The following NOS3 variants were observed in gnomAD, a reference collection of about 807,000 sequenced individuals.
The protein encoded by NOS3 is NOS type III.
NOS3 carries 98 observed loss-of-function variants against 144.9 expected under a neutral mutation model. The observed-to-expected ratio is 0.68, with a 90% CI of 0.57 to 0.80. The LOEUF (loss-of-function observed/expected upper bound fraction) is 0.80. NOS3 is among the 30% of genes least tolerant of loss of function. The pLI is 0.00. For missense variants in NOS3, 1,465 were observed against 1,656.4 expected, an observed-to-expected ratio of 0.88 and a Z score of 2.01; for synonymous variants, 714 against 702.4, an observed-to-expected ratio of 1.02 and a Z score of -0.26.
At chr7:151,012,533 G>A in intron 24 of NOS3, 61 bp downstream of exon 24, 1 of 1,553,698 alleles carries the variant, frequency 6.4e-7, no homozygotes, top group East Asian at 2.3e-5. Flanking sequence ...ACAGAGGGGT[G>A]GGGCTGGAAG....
intron 1 of NOS3, among the ~76,000 whole-genome samples, chr7:150,992,532 C>T (rs1481100896): frequency 6.6e-6 from 1 of 152,190 alleles, no homozygotes; most frequent in East Asian, 1.9e-4. Flanking sequence ...CCCCTTCACC[C>T]TCCATCCTCC....
At chr7:151,007,431 G>C (rs1352219591) in intron 17 of NOS3, among the ~76,000 whole-genome samples, 155 bp downstream of exon 17, 1 of 152,230 alleles carries the variant, frequency 6.6e-6, no homozygotes, top group Non-Finnish European at 1.5e-5. Context: ...TTCTGGGTCA[G>C]GGGCAGAGGA....
At chr7:151,013,619 C>T (rs1795360112) in intron 25 of NOS3, 105 bp from the exon 26 acceptor site, 2 of 1,185,806 alleles carry the variant, frequency 1.7e-6, no homozygotes, top group Non-Finnish European at 1.2e-6. Context: ...CAGGCCCCAC[C>T]AGGCCCGCTC....
chr7:150,996,728 C>G lies in NOS3; in HGVS notation c.420-35C>G, dbSNP rs764982303. On this transcript the variant is annotated intron_variant, in intron 4 of 26. Transcript: ENST00000297494. ...AGGGCCTCCCTGTCCCACACAACTT[C>G]CTGCTTGTCCCCTTCCCACCCCTCT... 2.5e-6 allele frequency: 4 copies of G among 1,605,838 alleles called. No homozygotes were observed. The African/African-American group carries it at 5.3e-5, about 21-fold the overall frequency.
At chr7:151,005,950 A>C (rs1795199324) in intron 14 of NOS3, among the ~76,000 whole-genome samples, 1 of 152,210 alleles carries the variant, frequency 6.6e-6, no homozygotes, top group Non-Finnish European at 1.5e-5. Flanking sequence ...TAAGCCCAGG[A>C]GTCTGAGGTT....
At chr7:151,010,354 C>T in intron 21 of NOS3, 67 bp downstream of exon 21, 1 of 1,450,186 alleles carries the variant, frequency 6.9e-7, no homozygotes. Context: ...ACCCCAGTGG[C>T]AGGAAACCCC....
In NOS3 at chr7:151,001,952, C is replaced by T. The variant is rs751020678; in HGVS notation, c.1634C>T (p.Ala545Val). Residue 545 changes from alanine to valine, a missense_variant, in exon 13 of 27, where the codon GCT becomes GTT. Around this residue, in one of 5 missense-constraint regions of NOS3, gnomAD observed 745 missense variants for 853.9 expected, o/e 0.87. Transcript: ENST00000297494. The part of the protein sequence containing the change: ...AQQLGRLFRK[A>V]FDPRVLCMDE... ...CAGCTGGGGAGACTCTTCCGGAAGG[C>T]TTTTGATCCCCGGGTAGGGCTGAGC... The T allele has an allele frequency of 6.2e-7, 1 of 1,613,354 alleles. No homozygotes were observed. The highest frequency in any genetic ancestry group is 1.3e-5 in the African/African-American group (1 of 74,934).
intron 3 of NOS3, 120 bp downstream of exon 3, chr7:150,995,434 A>T (rs1272847336): frequency 3.0e-6 from 2 of 655,934 alleles, no homozygotes; most frequent in Non-Finnish European, 5.3e-6. Context: ...GTTTCCAAAA[A>T]GAGGAGAGGA....
chr7:150,995,232 C>A lies in NOS3; in HGVS notation c.188C>A (p.Pro63Gln), dbSNP rs551113047. ...CCGAGCTCCCCGCTAACCCAGCCCCCAGAGGGGCCCAAGTTCCCTCGTGTG... is the reference window on the plus strand; with the variant it reads ...CCGAGCTCCCCGCTAACCCAGCCCCAAGAGGGGCCCAAGTTCCCTCGTGTG... Reference protein sequence around the residue: ...SPPSSPLTQPPEGPKFPRVKN... With the variant: ...SPPSSPLTQPQEGPKFPRVKN... Residue 63 changes from proline to glutamine, a missense_variant, in exon 3 of 27, where the codon CCA (proline) becomes CAA (glutamine). Pro to Gln is a moderately conservative substitution (Grantham distance 76). Around this residue, in one of 5 missense-constraint regions of NOS3, gnomAD observed 374 missense variants for 377.0 expected, o/e 0.99. Transcript: ENST00000297494. 7 of 1,610,896 alleles carry A rather than the reference C, an allele frequency of 4.3e-6. No homozygotes were observed. Among genetic ancestry groups the A allele is most frequent in the Non-Finnish European group, 5.1e-6 (6 of 1,178,606 alleles).
rs776465222 is a variant in NOS3 at position 151,001,652 on chromosome 7, A to G, written c.1502+35A>G. On this transcript the variant is annotated intron_variant, in intron 12 of 26. Coordinates refer to ENST00000297494, the MANE Select transcript of NOS3 (RefSeq NM_000603.5). ...CTGGGAGCCCCGCTCTCCCACACACACCCTGGGGGCCCCACTCTCCCCCAC... is the reference window on the plus strand; with the variant it reads ...CTGGGAGCCCCGCTCTCCCACACACGCCCTGGGGGCCCCACTCTCCCCCAC... The G allele has an allele frequency of 4.4e-6, 7 of 1,598,034 alleles. No homozygotes were observed. In the Admixed American group the frequency reaches 1.2e-4, roughly 27 times the overall value.
chr7:151,014,535 A>C lies in NOS3; in HGVS notation c.*366A>C, dbSNP rs1795401228. On this transcript the variant is annotated 3_prime_UTR_variant, in exon 27 of 27. Coordinates refer to ENST00000297494, the MANE Select transcript of NOS3 (RefSeq NM_000603.5). Reference sequence around the variant, plus strand: ...AAGTATTTATTATTGAAGATTTACCATAAGGGACTGTGCCAGATGTTAGGA... The same window carrying C: ...AAGTATTTATTATTGAAGATTTACCCTAAGGGACTGTGCCAGATGTTAGGA... 1 of 232,402 alleles carries C rather than the reference A, an allele frequency of 4.3e-6. No homozygotes were observed. Among genetic ancestry groups the C allele is most frequent in the Non-Finnish European group, 8.3e-6 (1 of 119,806 alleles). 14.4% of individuals were successfully genotyped at this position (232,402 alleles called of 1,614,324 possible). A position where few individuals can be genotyped will look rare whatever the true frequency, so the allele number is the denominator to read the frequency against.
rs958359532 is a variant in NOS3 at position 151,010,356 on chromosome 7, G to T, written c.2685+69G>T. ...ATGAGCTGGGGGGACCCCAGTGGCA[G>T]GAAACCCCCATGCAAAGTCCCCCCT... is the stretch of plus-strand genomic sequence containing the variant. On this transcript the variant is annotated intron_variant, in intron 21 of 26. Transcript: ENST00000297494. 17 of 1,454,584 alleles carry T rather than the reference G, an allele frequency of 1.2e-5. No homozygotes were observed. The African/African-American group carries it at 2.0e-4, about 17-fold the overall frequency. 90.1% of individuals were successfully genotyped at this position (1,454,584 alleles called of 1,614,324 possible). A position where few individuals can be genotyped will look rare whatever the true frequency, so the allele number is the denominator to read the frequency against.
At position 151,010,741 on chromosome 7, in the gene NOS3, T is replaced by TCGGCACC; in HGVS notation, c.2832_2838dup (p.Ser947GlyfsTer87). ...CCAGCCCCGGTACTACTCAGTCAGCTCGGCACCCAGCACCCACCCAGGAGA... is the reference window on the plus strand; with the variant it reads ...CCAGCCCCGGTACTACTCAGTCAGCTCGGCACCCGGCACCCAGCACCCACCCAGGAGA... On this transcript the variant is annotated frameshift_variant, in exon 22 of 27. Transcript: ENST00000297494. LOFTEE classifies it high-confidence loss of function. 1 of 1,613,460 alleles carries TCGGCACC rather than the reference T, an allele frequency of 6.2e-7. No homozygotes were observed. The highest frequency in any genetic ancestry group is 8.5e-7 in the Non-Finnish European group (1 of 1,179,768).
rs1402836375 is a variant in NOS3, at chr7:151,009,528, G to T, written c.2455G>T (p.Asp819Tyr). The change falls in exon 20 of 27, where the codon GAC (aspartate) becomes TAC (tyrosine). Residue 819 changes from aspartate to tyrosine, a missense_variant. This residue lies in a region of NOS3 where 745 missense variants were observed against 853.9 expected (regional missense o/e 0.87). Coordinates refer to ENST00000297494, the MANE Select transcript of NOS3 (RefSeq NM_000603.5). Reference protein sequence around the residue: ...LVEALLSRVEDPPAPTEPVAV... With the variant: ...LVEALLSRVEYPPAPTEPVAV... ...GGAGGCGCTGCTGAGCCGCGTGGAG[G>T]ACCCGCCGGCGCCCACTGAGCCCGT... is the stretch of plus-strand genomic sequence containing the variant. The T allele has an allele frequency of 6.5e-7, 1 of 1,545,626 alleles. No homozygotes were observed. The highest frequency in any genetic ancestry group is 2.0e-5 in the Admixed American group (1 of 50,902).
intron 19 of NOS3, 65 bp from the exon 20 acceptor site, chr7:151,009,333 C>A: frequency 8.7e-7 from 1 of 1,150,948 alleles, no homozygotes; most frequent in Non-Finnish European, 1.3e-6. Context: ...GACCCTCCTC[C>A]TCCCACATTC....
intron 15 of NOS3, 87 bp from the exon 16 acceptor site, chr7:151,006,802 C>T (rs201547415): frequency 4.4e-4 from 478 of 1,074,528 alleles, no homozygotes; most frequent in Non-Finnish European, 5.7e-4. Context: ...GAGGCAGAGA[C>T]CCTGAAGCCG....
chr7:151,004,748 G>C (rs60848465), intron 14 of NOS3, among the ~76,000 whole-genome samples: 1,851 of 152,306 alleles, frequency 0.012, 33 homozygotes, highest in African/African-American at 0.042. Context: ...ACTAATCCAC[G>C]GAGTTAGAAA....
chr7:151,006,788 C>G lies in NOS3; in HGVS notation c.1821-101C>G, dbSNP rs41408449. ...CTCCCAAGGGCAGGGCCTTTCCTGT[C>G]CCAGAGGCAGAGACCCTGAAGCCGT... On this transcript the variant is annotated intron_variant, in intron 15 of 26. Coordinates refer to ENST00000297494, the MANE Select transcript of NOS3 (RefSeq NM_000603.5). 7.2e-6 allele frequency: 7 copies of G among 967,010 alleles called. No homozygotes were observed. The African/African-American group carries it at 1.1e-4, about 16-fold the overall frequency. 59.9% of individuals were successfully genotyped at this position (967,010 alleles called of 1,614,324 possible).
At chr7:151,011,709 A>G in intron 23 of NOS3, 1 of 251,240 alleles carries the variant, frequency 4.0e-6, no homozygotes, top group Non-Finnish European at 8.2e-6. Flanking sequence ...TATTTTTAGT[A>G]GAGACGGTGT....
Sources: allele counts gnomAD v4.1 joint callset (sites outside exome capture counted in the v4.1 genomes callset), GRCh38; gene constraint gnomAD v4.1.1; regional missense constraint gnomAD v4.1.1; transcripts MANE v1.5; gene names NCBI Gene and HGNC (gene_info 2026-07-23, HGNC 2026-07-21).